Variants in RAPGEF5 observed in about 807,000 individuals in gnomAD.
The protein encoded by RAPGEF5 is Rap guanine nucleotide exchange factor 5, also known as M-Ras-regulated GEF.
A neutral mutation model predicts 125.2 loss-of-function variants in RAPGEF5; 65 were observed. The observed-to-expected ratio is 0.52, with a 90% CI of 0.43 to 0.64. The LOEUF (loss-of-function observed/expected upper bound fraction) is 0.64. Among genes scored for constraint, RAPGEF5 ranks in the 30% least tolerant of loss-of-function variants. The pLI, the probability that RAPGEF5 is intolerant of heterozygous loss-of-function variation, is 0.00. For missense variants in RAPGEF5, 958 were observed against 1,048.1 expected (o/e 0.91, Z 1.19); for synonymous variants, 391 against 385.9 (o/e 1.01, Z -0.16).
At position 22,258,624 on chromosome 7, in the gene RAPGEF5, C is replaced by CAAAAA. The variant is rs34352575; in HGVS notation, c.796+8335_796+8339dup. On this transcript the variant is annotated intron_variant, in intron 7 of 25. Coordinates refer to ENST00000665637, the MANE Select transcript of RAPGEF5 (RefSeq NM_012294.5). The stretch of plus-strand genomic sequence containing the variant: ...GGGCAACAAGAGCGAAACTCCGTCT[C>CAAAAA]AAAAAAAAAAAAAAAAAAAAAAAAA... 7.3e-3 allele frequency among the ~76,000 whole-genome samples: 333 copies of CAAAAA among 45,422 alleles called. 2 individuals are homozygous for CAAAAA. Among genetic ancestry groups the CAAAAA allele is most frequent in the African/African-American group, 9.8e-3 (110 of 11,262 alleles). 29.8% of individuals were successfully genotyped at this position (45,422 alleles called of 152,430 possible).
rs560799255 is a variant in RAPGEF5 at position 22,180,275 on chromosome 7, C to T, written c.1204+13092G>A. ...TTTGGGAATCAAACTTTGATTTTTT[C>T]TCCCTGGGCATGTTGCTCCCCTGAT... On this transcript the variant is annotated intron_variant, in intron 11 of 25. Coordinates refer to ENST00000665637, the MANE Select transcript of RAPGEF5 (RefSeq NM_012294.5). Among the ~76,000 whole-genome samples, 42 of 152,240 alleles carry T rather than the reference C, an allele frequency of 2.8e-4. 3 individuals carry two copies. The highest frequency in any genetic ancestry group is 9.9e-4 in the African/African-American group (41 of 41,546).
At chr7:22,339,605 C>A (rs181228151) in intron 1 of RAPGEF5, among the ~76,000 whole-genome samples, 1 of 152,172 alleles carries the variant, frequency 6.6e-6, no homozygotes, top group Non-Finnish European at 1.5e-5. Flanking sequence ...CTGCATCAAA[C>A]GGCAGTCTGG....
chr7:22,265,466 A>G (rs1016492532), intron 7 of RAPGEF5, among the ~76,000 whole-genome samples: 1 of 152,184 alleles, frequency 6.6e-6, no homozygotes, highest in African/African-American at 2.4e-5. Flanking sequence ...ATAATATTTC[A>G]TTGTGTATAC....
At chr7:22,306,071 T>C (rs1269131442) in intron 5 of RAPGEF5, among the ~76,000 whole-genome samples, 2 of 152,190 alleles carry the variant, frequency 1.3e-5, no homozygotes, top group Non-Finnish European at 1.5e-5. Context: ...CACTCAGCAG[T>C]GGGATTACTG....
intron 2 of RAPGEF5, among the ~76,000 whole-genome samples, chr7:22,317,342 G>A (rs956319401): frequency 4.0e-5 from 6 of 150,314 alleles, no homozygotes; most frequent in South Asian, 2.1e-4. Flanking sequence ...CTGGGTTCAC[G>A]CCATTCTCCT....
chr7:22,166,551 T>C (rs1007475040), intron 12 of RAPGEF5, among the ~76,000 whole-genome samples: 3 of 152,226 alleles, frequency 2.0e-5, no homozygotes, highest in African/African-American at 4.8e-5. Flanking sequence ...TCAGAGAGCA[T>C]GCAGTGACAA....
chr7:22,249,960 A>T (rs1216780179), intron 7 of RAPGEF5, among the ~76,000 whole-genome samples: 2 of 152,244 alleles, frequency 1.3e-5, no homozygotes, highest in Admixed American at 6.5e-5. Context: ...TGCAAATTAA[A>T]TTTGACGACC....
At chr7:22,311,319 GT>G (rs1481420106) in intron 3 of RAPGEF5, among the ~76,000 whole-genome samples, 1 of 152,002 alleles carries the variant, frequency 6.6e-6, no homozygotes, top group African/African-American at 2.4e-5. Flanking sequence ...TGGCCAAAAT[GT>G]TTTTTTAAAA....
intron 5 of RAPGEF5, among the ~76,000 whole-genome samples, chr7:22,300,292 G>C (rs1188898739): frequency 6.6e-6 from 1 of 152,004 alleles, no homozygotes; most frequent in Non-Finnish European, 1.5e-5. Flanking sequence ...ACTACATTTG[G>C]TTCTTTTTTT....
intron 18 of RAPGEF5, 43 bp from the exon 19 acceptor site, chr7:22,147,062 G>A: frequency 6.2e-7 from 1 of 1,602,112 alleles, no homozygotes; most frequent in Admixed American, 1.7e-5. Context: ...ATTCCCAAAT[G>A]TTTTGCACTG....
At chr7:22,284,646 T>A (rs959664778) in intron 6 of RAPGEF5, among the ~76,000 whole-genome samples, 24 of 152,124 alleles carry the variant, frequency 1.6e-4, no homozygotes, top group Non-Finnish European at 2.8e-4. Flanking sequence ...GGTAACAAGA[T>A]GTTCATGATC....
intron 23 of RAPGEF5, among the ~76,000 whole-genome samples, chr7:22,134,145 A>G (rs963684233): frequency 1.3e-5 from 2 of 152,222 alleles, no homozygotes; most frequent in Non-Finnish European, 2.9e-5. Flanking sequence ...CTAAGAATTA[A>G]TGTTGTATAT....
intron 1 of RAPGEF5, among the ~76,000 whole-genome samples, chr7:22,345,062 A>G (rs1368665587): frequency 6.6e-6 from 1 of 152,226 alleles, no homozygotes; most frequent in African/African-American, 2.4e-5. Flanking sequence ...GTTGAACCAA[A>G]GTCTCTAAGG....
intron 11 of RAPGEF5, among the ~76,000 whole-genome samples, chr7:22,186,226 T>A (rs1784821991): frequency 6.6e-6 from 1 of 152,200 alleles, no homozygotes; most frequent in African/African-American, 2.4e-5. Context: ...TTATCAAACA[T>A]TTCCACAAAT....
intron 17 of RAPGEF5, among the ~76,000 whole-genome samples, chr7:22,151,017 G>A (rs6968584): frequency 0.69 from 104,199 of 152,074 alleles, 36,077 homozygotes; most frequent in African/African-American, 0.79. Flanking sequence ...TTATCCACTT[G>A]CCAAAATTAT....
intron 11 of RAPGEF5, among the ~76,000 whole-genome samples, chr7:22,175,110 C>A (rs1361407767): frequency 6.6e-6 from 1 of 152,166 alleles, no homozygotes; most frequent in Non-Finnish European, 1.5e-5. Context: ...AATGTACAGT[C>A]AATAGCCTCC....
chr7:22,159,674 T>C (rs1250728320), intron 14 of RAPGEF5, among the ~76,000 whole-genome samples: 4 of 152,162 alleles, frequency 2.6e-5, no homozygotes, highest in African/African-American at 4.8e-5. Flanking sequence ...AACAGTAAAG[T>C]TGGGTGTTGC....
rs184913387 is a variant in RAPGEF5, at chr7:22,275,628, G to T, written c.748-8616C>A. Among the ~76,000 whole-genome samples, 10 of 152,260 alleles carry T rather than the reference G, an allele frequency of 6.6e-5. No homozygotes were observed. In the East Asian group the frequency reaches 1.9e-3, roughly 29 times the overall value. Reference sequence around the variant, plus strand: ...AGGTATATATCAGAAGTGCCCCAAGGATTGTTCTAAAGATTTGTTTTAAGA... The same window carrying T: ...AGGTATATATCAGAAGTGCCCCAAGTATTGTTCTAAAGATTTGTTTTAAGA... On this transcript the variant is annotated intron_variant, in intron 6 of 25. Coordinates refer to ENST00000665637, the MANE Select transcript of RAPGEF5 (RefSeq NM_012294.5).
At position 22,140,006 on chromosome 7, in the gene RAPGEF5, A is replaced by G; in HGVS notation, c.2277+19T>C. The G allele has an allele frequency of 6.5e-7, 1 of 1,540,960 alleles. No individual in the cohort carries two copies. Among genetic ancestry groups the G allele is most frequent in the Non-Finnish European group, 8.8e-7 (1 of 1,135,512 alleles). On this transcript the variant is annotated intron_variant, in intron 21 of 25. Transcript: ENST00000665637. ...ATTTCCATTTTATGTGCCCCTCACC[A>G]TGGGACTCCAAGGCTCACCTCCCAG...
Sources: gnomAD v4.1 joint callset for allele counts (sites outside exome capture counted in the v4.1 genomes callset) on GRCh38, gnomAD v4.1.1 for gene constraint, MANE v1.5 for transcripts, NCBI Gene and HGNC (gene_info 2026-07-23, HGNC 2026-07-21) for gene names.